The following RGS7 variants were observed in gnomAD, a reference collection of about 807,000 sequenced individuals.
RGS7 encodes regulator of G-protein signaling 7.
In RGS7, 27 loss-of-function variants were observed where a neutral mutation model predicts 81.1. That is an observed-to-expected ratio of 0.33 (90% CI 0.25 to 0.46). The LOEUF (loss-of-function observed/expected upper bound fraction) is 0.46. RGS7 is among the 20% of genes least tolerant of loss of function. RGS7 has a pLI of 1.00. For missense variants in RGS7, 396 were observed against 607.4 expected (o/e 0.65, Z 3.66); for synonymous variants, 208 against 207.7 (o/e 1.00, Z -0.01).
rs1572019164 is a variant in RGS7, at chr1:240,776,050, G to T, written c.*170C>A. On this transcript the variant is annotated 3_prime_UTR_variant, in exon 19 of 19. Coordinates refer to ENST00000440928, the MANE Select transcript of RGS7 (RefSeq NM_001364886.1). ...TGTACACACAAAAATAACAATTTAG[G>T]TCCTTTGCTCATGCAACATCTTGTT... 1.2e-6 allele frequency: 1 copy of T among 829,954 alleles called. No individual in the cohort carries two copies. Among genetic ancestry groups the T allele is most frequent in the East Asian group, 2.4e-5 (1 of 41,052 alleles). 51.4% of individuals were successfully genotyped at this position (829,954 alleles called of 1,614,324 possible).
chr1:240,949,847 C>CAAAAAAAAAAAAAAAAAAAA (rs57421740), intron 4 of RGS7, among the ~76,000 whole-genome samples: 1 of 91,962 alleles, frequency 1.1e-5, no homozygotes. Flanking sequence ...GACTCTGACT[C>CAAAAAAAAAAAAAAAAAAAA]AAAAAAAAAA....
intron 2 of RGS7, among the ~76,000 whole-genome samples, chr1:241,274,768 C>A (rs562017097): frequency 1.2e-4 from 18 of 152,268 alleles, no homozygotes; most frequent in African/African-American, 4.1e-4. Flanking sequence ...TGGTTACACT[C>A]AGTGTTTCCT....
intron 9 of RGS7, among the ~76,000 whole-genome samples, chr1:240,834,634 C>T (rs891830643): frequency 6.6e-6 from 1 of 152,100 alleles, no homozygotes; most frequent in African/African-American, 2.4e-5. Context: ...CCTCAGCCTC[C>T]CGAGTAGCTG....
At chr1:241,084,769 T>G (rs1373293450) in intron 3 of RGS7, among the ~76,000 whole-genome samples, 2 of 152,228 alleles carry the variant, frequency 1.3e-5, no homozygotes, top group African/African-American at 4.8e-5. Context: ...ATTTTTATGA[T>G]GAAGAACCTT....
chr1:241,049,638 T>C (rs894510994), intron 3 of RGS7, among the ~76,000 whole-genome samples: 12 of 152,176 alleles, frequency 7.9e-5, no homozygotes, highest in African/African-American at 2.9e-4. Flanking sequence ...AAGATGCTAA[T>C]GGGTATGTTG....
intron 2 of RGS7, among the ~76,000 whole-genome samples, chr1:241,267,112 G>A (rs1408701418): frequency 3.9e-5 from 6 of 152,146 alleles, no homozygotes; most frequent in African/African-American, 9.7e-5. Flanking sequence ...CAGATGTGCC[G>A]TGAGATTGGG....
At chr1:241,267,580 C>T (rs2077658381) in intron 2 of RGS7, among the ~76,000 whole-genome samples, 1 of 152,098 alleles carries the variant, frequency 6.6e-6, no homozygotes, top group South Asian at 2.1e-4. Context: ...CTGATTTCTC[C>T]CCCTTATTAT....
At chr1:241,231,274 T>A (rs1214636687) in intron 2 of RGS7, among the ~76,000 whole-genome samples, 1 of 152,234 alleles carries the variant, frequency 6.6e-6, no homozygotes, top group Non-Finnish European at 1.5e-5. Flanking sequence ...TGGCTTTTGA[T>A]GACATAGAAT....
chr1:241,054,874 T>A (rs1046908733), intron 3 of RGS7, among the ~76,000 whole-genome samples: 2 of 152,186 alleles, frequency 1.3e-5, no homozygotes, highest in African/African-American at 4.8e-5. Context: ...AAAACTTATA[T>A]CACTACTCTA....
chr1:240,925,223 C>T (rs1338641688), intron 6 of RGS7, among the ~76,000 whole-genome samples: 1 of 152,000 alleles, frequency 6.6e-6, no homozygotes, highest in Non-Finnish European at 1.5e-5. Context: ...ATCCCAACAC[C>T]CAGGTAGTGA....
At chr1:241,106,464 C>T (rs1256621239) in intron 2 of RGS7, among the ~76,000 whole-genome samples, 1 of 152,048 alleles carries the variant, frequency 6.6e-6, no homozygotes, top group Non-Finnish European at 1.5e-5. Flanking sequence ...CCTATAATCC[C>T]AGCACTTGGG....
chr1:240,835,566 G>GC (rs1694590274), intron 9 of RGS7, among the ~76,000 whole-genome samples: 1 of 152,200 alleles, frequency 6.6e-6, no homozygotes, highest in African/African-American at 2.4e-5. Flanking sequence ...ATTCGATCCA[G>GC]CAATCATCCT....
At position 240,947,508 on chromosome 1, in the gene RGS7, C is replaced by T. The variant is rs79386879; in HGVS notation, c.227-10802G>A. Among the ~76,000 whole-genome samples, 875 of 152,210 alleles carry T rather than the reference C, an allele frequency of 5.7e-3. 7 individuals are homozygous for T. The highest frequency in any genetic ancestry group is 0.02 in the African/African-American group (837 of 41,534). ...ACTGCTCGGACCAAAAAGCTTGGAT[C>T]GTCTGATGTCTTTCTCCCATTCACC... On this transcript the variant is annotated intron_variant, in intron 4 of 18. Coordinates refer to ENST00000440928, the MANE Select transcript of RGS7 (RefSeq NM_001364886.1).
chr1:241,321,646 T>C lies in RGS7; in HGVS notation c.78+34053A>G, dbSNP rs147176259. 1.5e-3 allele frequency among the ~76,000 whole-genome samples: 234 copies of C among 152,340 alleles called. 1 individual carries two copies. The highest frequency in any genetic ancestry group is 5.4e-3 in the African/African-American group (224 of 41,586). On this transcript the variant is annotated intron_variant, in intron 2 of 18. Transcript: ENST00000440928. ...TGGGAGGTTATGGTTCCTTCAATTA[T>C]GTCTGAGAATTAAGACATATGTTAT...
rs1165466048 is a variant in RGS7, at chr1:241,327,100, AAG to A, written c.78+28597_78+28598del. Among the ~76,000 whole-genome samples the A allele has an allele frequency of 3.3e-5, 3 of 91,430 alleles. No individual in the cohort carries two copies. The East Asian group carries it at 9.3e-4, about 28-fold the overall frequency. 60.0% of individuals were successfully genotyped at this position (91,430 alleles called of 152,430 possible). On this transcript the variant is annotated intron_variant, in intron 2 of 18. Coordinates refer to ENST00000440928, the MANE Select transcript of RGS7 (RefSeq NM_001364886.1). The stretch of plus-strand genomic sequence containing the variant: ...AGGAAGAGAAAGAAAGAAAGAAAGA[AAG>A]AAAGAAAGAAAGAAAGAAAGAAAGA...
chr1:240,876,286 C>A (rs764223307), intron 6 of RGS7, among the ~76,000 whole-genome samples: 1 of 152,126 alleles, frequency 6.6e-6, no homozygotes, highest in Non-Finnish European at 1.5e-5. Context: ...TGAGATAAGG[C>A]GCGGTCACCC....
chr1:241,229,630 G>A (rs1442758793), intron 2 of RGS7, among the ~76,000 whole-genome samples: 1 of 152,182 alleles, frequency 6.6e-6, no homozygotes, highest in African/African-American at 2.4e-5. Flanking sequence ...TATTGAAAGA[G>A]CTTTTTTCTA....
At chr1:240,891,038 A>G (rs1200896865) in intron 6 of RGS7, among the ~76,000 whole-genome samples, 1 of 152,250 alleles carries the variant, frequency 6.6e-6, no homozygotes, top group East Asian at 1.9e-4. Context: ...GCAGAAAGAA[A>G]GGATTATAGT....
chr1:241,005,993 A>C lies in RGS7; in HGVS notation c.176-22864T>G, dbSNP rs185995821. 2.0e-5 allele frequency among the ~76,000 whole-genome samples: 3 copies of C among 152,364 alleles called. No homozygotes were observed. The East Asian group carries it at 5.8e-4, about 29-fold the overall frequency. On this transcript the variant is annotated intron_variant, in intron 3 of 18. Coordinates refer to ENST00000440928, the MANE Select transcript of RGS7 (RefSeq NM_001364886.1). Reference sequence around the variant, plus strand: ...TTCCAGTTTATGGCTCTTATAAAAAATGCTATGAACATTCTTGCACAGAGC... The same window carrying C: ...TTCCAGTTTATGGCTCTTATAAAAACTGCTATGAACATTCTTGCACAGAGC...
Sources: allele counts gnomAD v4.1 joint callset (sites outside exome capture counted in the v4.1 genomes callset), GRCh38; gene constraint gnomAD v4.1.1; transcripts MANE v1.5; gene names NCBI Gene and HGNC (gene_info 2026-07-23, HGNC 2026-07-21).